The following FBXW10 variants were observed in gnomAD, a reference collection of about 807,000 sequenced individuals.
The protein encoded by FBXW10 is F-box/WD repeat-containing protein 10.
In FBXW10, 68 loss-of-function variants were observed where a neutral mutation model predicts 113.1. That is an observed-to-expected ratio of 0.60 (90% confidence interval 0.49 to 0.74). The LOEUF is 0.74. FBXW10 is among the 30% of genes least tolerant of loss of function. The pLI is 0.00. For missense variants in FBXW10, 753 were observed against 1,284.5 expected (o/e 0.59, Z 6.32); for synonymous variants, 289 against 481.6 (o/e 0.60, Z 5.24).
At chr17:18,776,999 A>G (rs1317297287) in intron 13 of FBXW10, among the ~76,000 whole-genome samples, 1 of 151,960 alleles carries the variant, frequency 6.6e-6, no homozygotes. Flanking sequence ...ATAAAAGGAG[A>G]AAAATTCTCT....
At chr17:18,772,759 C>T (rs1214013116) in intron 12 of FBXW10, 76 bp downstream of exon 12, 28 of 1,253,054 alleles carry the variant, frequency 2.2e-5, no homozygotes, top group Non-Finnish European at 2.9e-5. Context: ...TGGTGGGAGA[C>T]GGGGAGGACT....
chr17:18,747,053 T>C (rs1252682027), intron 1 of FBXW10, among the ~76,000 whole-genome samples: 1 of 151,382 alleles, frequency 6.6e-6, no homozygotes, highest in Non-Finnish European at 1.5e-5. Context: ...GCCTCCCGAG[T>C]AGCTGGGACT....
intron 4 of FBXW10, 145 bp downstream of exon 4, chr17:18,750,282 T>C (rs2035138336): frequency 9.3e-7 from 1 of 1,069,880 alleles, no homozygotes; most frequent in South Asian, 1.6e-5. Context: ...GGGTCCCTTC[T>C]TTTTGGTCCA....
At chr17:18,775,518 C>T (rs1308121810) in intron 13 of FBXW10, among the ~76,000 whole-genome samples, 2 of 152,164 alleles carry the variant, frequency 1.3e-5, no homozygotes, top group Non-Finnish European at 2.9e-5. Flanking sequence ...TTTTGGCTGA[C>T]TGCCTGCCTC....
chr17:18,748,085 T>A lies in FBXW10; in HGVS notation c.650T>A (p.Leu217His), dbSNP rs2035077188. 2 of 1,613,728 alleles carry A rather than the reference T, an allele frequency of 1.2e-6. No individual in the cohort carries two copies. Among genetic ancestry groups the A allele is most frequent in the South Asian group, 2.2e-5 (2 of 91,080 alleles). Residue 217 changes from leucine to histidine, a missense_variant, in exon 2 of 14, where the codon CTT becomes CAT. Leu to His is a moderately conservative substitution (Grantham distance 99). Coordinates refer to ENST00000395665, the MANE Select transcript of FBXW10 (RefSeq NM_001267585.2). ...AAAGCCCCAGAAAATGAACACTTGC[T>A]TGGGGCAGCATCTAACCCTGGTAAG... ...LSKAPENEHL[L>H]GAASNPEEPW...
At chr17:18,747,226 A>G (rs1241823098) in intron 1 of FBXW10, among the ~76,000 whole-genome samples, 1 of 152,068 alleles carries the variant, frequency 6.6e-6, no homozygotes, top group Non-Finnish European at 1.5e-5. Context: ...ACGCCGGGCC[A>G]ACAACCTTCT....
At chr17:18,776,060 T>C (rs976450428) in intron 13 of FBXW10, among the ~76,000 whole-genome samples, 2 of 151,048 alleles carry the variant, frequency 1.3e-5, no homozygotes, top group Non-Finnish European at 2.9e-5. Flanking sequence ...GGCTCACACC[T>C]GTAATCCCAG....
In FBXW10 at chr17:18,744,530, A is replaced by G. The variant is rs756298001; in HGVS notation, c.286A>G (p.Lys96Glu). 7.4e-6 allele frequency: 12 copies of G among 1,613,810 alleles called. No homozygotes were observed. The highest frequency in any genetic ancestry group is 1.3e-5 in the African/African-American group (1 of 74,828). Residue 96 changes from lysine (K) to glutamate (E), a missense_variant, in exon 1 of 14, where the codon AAG becomes GAG. Transcript: ENST00000395665. ...IYNRSRINLS[K>E]KEGKVVKSSL... Reference sequence around the variant, plus strand: ...TAACAGGTCCCGGATCAACCTCAGCAAGAAAGAGGGGAAAGTTGTGAAGTC... The same window carrying G: ...TAACAGGTCCCGGATCAACCTCAGCGAGAAAGAGGGGAAAGTTGTGAAGTC...
chr17:18,766,510 C>T (rs1004965289), intron 8 of FBXW10, among the ~76,000 whole-genome samples: 18 of 152,136 alleles, frequency 1.2e-4, no homozygotes, highest in Non-Finnish European at 2.2e-4. Flanking sequence ...CACCTGTATT[C>T]AGGGCGCTCT....
chr17:18,759,349 T>C (rs1394487000), intron 7 of FBXW10, among the ~76,000 whole-genome samples: 1 of 152,170 alleles, frequency 6.6e-6, no homozygotes, highest in Admixed American at 6.5e-5. Flanking sequence ...TTCCCTTGCA[T>C]TTCTTAATCA....
intron 4 of FBXW10, 70 bp from the exon 5 acceptor site, chr17:18,750,861 T>C (rs917557035): frequency 2.0e-6 from 3 of 1,533,444 alleles, no homozygotes; most frequent in African/African-American, 2.8e-5. Context: ...CCCTTCCTCC[T>C]GCAGAGTTGG....
At chr17:18,764,619 A>C in intron 7 of FBXW10, 123 bp from the exon 8 acceptor site, 2 of 1,481,260 alleles carry the variant, frequency 1.4e-6, no homozygotes, top group Non-Finnish European at 1.8e-6. Flanking sequence ...CAGGCCCCTG[A>C]CTCTAAGCTG....
rs753475598 is a variant in FBXW10, at chr17:18,779,127, C to G, written c.2988C>G (p.His996Gln). 1.1e-5 allele frequency: 15 copies of G among 1,346,208 alleles called. 2 individuals carry two copies. The Admixed American group carries it at 1.1e-4, about 10-fold the overall frequency. 83.4% of individuals were successfully genotyped at this position (1,346,208 alleles called of 1,614,324 possible). ...VLLTVKEEKE[H>Q]QEAKMKEYQA... ...TGACCGTGAAGGAGGAGAAGGAGCA[C>G]CAGGAAGCCAAGATGAAGGAATATC... The change falls in exon 14 of 14, where the codon CAC (histidine) becomes CAG (glutamine). Residue 996 changes from histidine (H) to glutamine (Q), a missense_variant. Physicochemically the swap from His to Gln is conservative, Grantham distance 24. Coordinates refer to ENST00000395665, the MANE Select transcript of FBXW10 (RefSeq NM_001267585.2).
At chr17:18,770,847 A>G (rs1239994318) in intron 11 of FBXW10, among the ~76,000 whole-genome samples, 1 of 152,162 alleles carries the variant, frequency 6.6e-6, no homozygotes, top group East Asian at 1.9e-4. Context: ...TGGTGAGCTT[A>G]CAAAACCAGT....
intron 1 of FBXW10, chr17:18,745,180 C>T: frequency 1.0e-5 from 10 of 954,332 alleles, no homozygotes; most frequent in Non-Finnish European, 1.3e-5. Flanking sequence ...GAAGTCAAAA[C>T]TTAGGGCTTT....
At chr17:18,772,106 CA>C (rs1254812518) in intron 11 of FBXW10, among the ~76,000 whole-genome samples, 1 of 151,746 alleles carries the variant, frequency 6.6e-6, no homozygotes, top group Non-Finnish European at 1.5e-5. Context: ...GACTCCTTCT[CA>C]AAATAAAAAA....
At chr17:18,766,058 G>GCCAA (rs2035491633) in intron 8 of FBXW10, among the ~76,000 whole-genome samples, 1 of 151,992 alleles carries the variant, frequency 6.6e-6, no homozygotes, top group Non-Finnish European at 1.5e-5. Flanking sequence ...ACCCTGTTCT[G>GCCAA]CCACCCACCC....
At chr17:18,751,481 C>T (rs375801478) in intron 5 of FBXW10, among the ~76,000 whole-genome samples, 3 of 152,144 alleles carry the variant, frequency 2.0e-5, no homozygotes, top group Non-Finnish European at 2.9e-5. Flanking sequence ...CCTCCCGCCT[C>T]GGCCTCCCAA....
Position 18,744,427 on chromosome 17 carries a change from G to A in FBXW10, c.183G>A (p.Leu61=), listed in dbSNP as rs749232563. ...AGAGGAGGTTTCTAGTTGGCATTCT[G>A]AAGCAGTTAAATAGCTTATATTTGT... The part of the protein sequence containing the change: ...ISQRRFLVGI[L]KQLNSLYLLH... The change falls in exon 1 of 14, where the codon CTG becomes CTA. Residue 61 remains leucine (L), a synonymous_variant. Transcript: ENST00000395665. 8 of 1,613,606 alleles carry A rather than the reference G, an allele frequency of 5.0e-6. No individual in the cohort carries two copies. The highest frequency in any genetic ancestry group is 5.9e-6 in the Non-Finnish European group (7 of 1,179,818).
Sources: gnomAD v4.1 joint callset for allele counts (sites outside exome capture counted in the v4.1 genomes callset) on GRCh38, gnomAD v4.1.1 for gene constraint, MANE v1.5 for transcripts, NCBI Gene and HGNC (gene_info 2026-07-23, HGNC 2026-07-21) for gene names.